BBS9: variants seen among roughly 807,000 people sequenced by gnomAD.
The protein encoded by BBS9 is protein PTHB1.
Under a neutral mutation model 117.7 loss-of-function variants are expected in BBS9, and 89 were observed. The observed-to-expected ratio is 0.76, with a 90% CI of 0.64 to 0.90. BBS9 has a LOEUF of 0.90. Ranked by LOEUF, BBS9 falls within the 40% of genes least tolerant of loss-of-function variation. BBS9 has a pLI of 0.00. For missense variants in BBS9, 982 were observed against 1,042.2 expected (o/e 0.94, Z 0.80); for synonymous variants, 379 against 370.9 (o/e 1.02, Z -0.25).
At chr7:33,292,040 A>G (rs1359370437) in intron 9 of BBS9, among the ~76,000 whole-genome samples, 3 of 152,022 alleles carry the variant, frequency 2.0e-5, no homozygotes, top group African/African-American at 7.2e-5. Context: ...ATGCTTGGCA[A>G]TGAGTTGATT....
At chr7:33,270,458 A>C (rs1484605787) in intron 7 of BBS9, among the ~76,000 whole-genome samples, 1 of 152,210 alleles carries the variant, frequency 6.6e-6, no homozygotes, top group Non-Finnish European at 1.5e-5. Flanking sequence ...CAAGAAATCT[A>C]AGAATCACAA....
chr7:33,571,106 A>G (rs1309651807), intron 21 of BBS9, among the ~76,000 whole-genome samples: 2 of 152,186 alleles, frequency 1.3e-5, no homozygotes, highest in Admixed American at 1.3e-4. Context: ...ATAAGATGTT[A>G]TATAGGTGAG....
intron 13 of BBS9, among the ~76,000 whole-genome samples, chr7:33,349,782 T>C (rs1028565429): frequency 6.6e-6 from 1 of 152,178 alleles, no homozygotes; most frequent in Non-Finnish European, 1.5e-5. Context: ...GTTTCTTTAG[T>C]GATCTATTTA....
chr7:33,264,362 A>G lies in BBS9; in HGVS notation c.690A>G (p.Gly230=). Reference sequence around the variant, plus strand: ...CTGAACAGCAAAAACTTGGTTCTGGAAAAAGACTAGTTGTAAGGCCTTTTT... The same window carrying G: ...CTGAACAGCAAAAACTTGGTTCTGGGAAAAGACTAGTTGTAAGGCCTTTTT... ...QETEQQKLGS[G]KRLVVDWTLN... is the part of the protein sequence containing the mutation. Residue 230 remains glycine, a synonymous_variant, in exon 7 of 23, where the codon GGA becomes GGG. Transcript: ENST00000242067. 6.3e-7 allele frequency: 1 copy of G among 1,581,296 alleles called. No homozygotes were observed. Among genetic ancestry groups the G allele is most frequent in the South Asian group, 1.2e-5 (1 of 83,386 alleles).
chr7:33,371,624 G>C (rs1822876889), intron 17 of BBS9, among the ~76,000 whole-genome samples: 1 of 152,082 alleles, frequency 6.6e-6, no homozygotes, highest in African/African-American at 2.4e-5. Context: ...TTGAGGAATA[G>C]GCCTTTGTAA....
intron 9 of BBS9, among the ~76,000 whole-genome samples, chr7:33,308,781 T>C (rs1389924614): frequency 1.3e-5 from 2 of 152,172 alleles, no homozygotes; most frequent in African/African-American, 2.4e-5. Context: ...TTTGTACTTA[T>C]TGTTCCTCAA....
At chr7:33,330,865 G>A (rs780583554) in intron 9 of BBS9, among the ~76,000 whole-genome samples, 6 of 152,170 alleles carry the variant, frequency 3.9e-5, no homozygotes, top group African/African-American at 1.2e-4. Flanking sequence ...TTTTGTCAAT[G>A]TTAATGATGC....
intron 21 of BBS9, among the ~76,000 whole-genome samples, chr7:33,545,648 C>T (rs151084283): frequency 1.1e-3 from 172 of 152,216 alleles, no homozygotes; most frequent in African/African-American, 4.1e-3. Context: ...ATTCACAATG[C>T]AAGCCTCCCC....
At chr7:33,596,257 A>AACACACACACAC (rs777940429) in intron 21 of BBS9, among the ~76,000 whole-genome samples, 4 of 118,830 alleles carry the variant, frequency 3.4e-5, no homozygotes, top group Non-Finnish European at 6.8e-5. Flanking sequence ...ACAGAACAGA[A>AACACACACACAC]ACACACACAC....
At chr7:33,514,751 A>G (rs769673110) in intron 20 of BBS9, among the ~76,000 whole-genome samples, 5 of 152,182 alleles carry the variant, frequency 3.3e-5, no homozygotes, top group Non-Finnish European at 7.3e-5. Flanking sequence ...TAAACCACAC[A>G]TTGAGTTTCC....
chr7:33,386,513 C>T (rs1487427801), intron 18 of BBS9, among the ~76,000 whole-genome samples: 4 of 147,488 alleles, frequency 2.7e-5, no homozygotes, highest in Non-Finnish European at 1.5e-5. Flanking sequence ...TATTTTGAGA[C>T]GGGGTCTCGC....
intron 19 of BBS9, among the ~76,000 whole-genome samples, chr7:33,435,538 A>T (rs1025089732): frequency 2.3e-5 from 1 of 42,628 alleles, no homozygotes; most frequent in African/African-American, 1.4e-4. Flanking sequence ...TCTATTAAGT[A>T]TGCAGCACTC....
chr7:33,294,315 ATCTATCTATCTATCTATCT>A (rs1287902812), intron 9 of BBS9, among the ~76,000 whole-genome samples: 2 of 138,844 alleles, frequency 1.4e-5, no homozygotes, highest in Non-Finnish European at 3.0e-5. Flanking sequence ...CTATCTATCT[ATCTATCTATCTATCTATCT>A]ATCTATCTAT....
rs148434802 is a variant in BBS9 at position 33,202,829 on chromosome 7, T to C, written c.442+25238T>C. On this transcript the variant is annotated intron_variant, in intron 5 of 22. Transcript: ENST00000242067. ...TGGGGGGGAACACAAGTCCAAACCATATCAACATGGCTCTCCTGTTATCAT... is the reference window on the plus strand; with the variant it reads ...TGGGGGGGAACACAAGTCCAAACCACATCAACATGGCTCTCCTGTTATCAT... 7.1e-3 allele frequency among the ~76,000 whole-genome samples: 1,076 copies of C among 152,258 alleles called. 49 individuals carry two copies. The highest frequency in any genetic ancestry group is 0.06 in the Admixed American group (925 of 15,294).
chr7:33,460,625 G>T lies in BBS9; in HGVS notation c.2116-44838G>T, dbSNP rs77366741. 2.0e-4 allele frequency among the ~76,000 whole-genome samples: 31 copies of T among 151,294 alleles called. 1 individual carries two copies. The highest frequency in any genetic ancestry group is 7.3e-4 in the African/African-American group (30 of 41,290). Reference sequence around the variant, plus strand: ...TTTTTTCACATTCAGAGTCTATTTGGGATCACTTTTAAACATAGAATTGTC... The same window carrying T: ...TTTTTTCACATTCAGAGTCTATTTGTGATCACTTTTAAACATAGAATTGTC... On this transcript the variant is annotated intron_variant, in intron 19 of 22. Transcript: ENST00000242067.
chr7:33,425,537 G>T (rs919625337), intron 19 of BBS9, among the ~76,000 whole-genome samples: 4 of 151,994 alleles, frequency 2.6e-5, no homozygotes, highest in Admixed American at 2.0e-4. Flanking sequence ...AGTGTGTGTT[G>T]TTCCCCTCCC....
chr7:33,548,045 G>T (rs1281818918), intron 21 of BBS9, among the ~76,000 whole-genome samples: 1 of 152,190 alleles, frequency 6.6e-6, no homozygotes, highest in East Asian at 1.9e-4. Context: ...AATACTTGTT[G>T]ATAGACATGC....
chr7:33,446,764 C>G (rs1025683751), intron 19 of BBS9, among the ~76,000 whole-genome samples: 1 of 152,116 alleles, frequency 6.6e-6, no homozygotes, highest in Non-Finnish European at 1.5e-5. Flanking sequence ...GCAATATTAG[C>G]GAAAGAAATT....
chr7:33,137,184 G>A (rs1038149693), intron 1 of BBS9, among the ~76,000 whole-genome samples: 2 of 152,072 alleles, frequency 1.3e-5, no homozygotes, highest in African/African-American at 4.8e-5. Context: ...TGCCCTGAGC[G>A]CACACACACC....
Sources: allele counts gnomAD v4.1 joint callset (sites outside exome capture counted in the v4.1 genomes callset), GRCh38; gene constraint gnomAD v4.1.1; transcripts MANE v1.5; gene names NCBI Gene and HGNC (gene_info 2026-07-23, HGNC 2026-07-21).